TTN: variants seen among roughly 807,000 people sequenced by gnomAD.
The protein encoded by TTN is titin.
In TTN, 1,525 loss-of-function variants were observed where a neutral mutation model predicts 3,223.0. The observed-to-expected ratio is 0.47, with a 90% CI of 0.45 to 0.49. The LOEUF is 0.49. TTN is among the 20% of genes least tolerant of loss of function. TTN has a pLI of 0.00. For missense variants in TTN, 40,786 were observed against 43,424.0 expected (o/e 0.94, Z 5.40); for synonymous variants, 14,094 against 15,161.0 (o/e 0.93, Z 5.17).
chr2:178,706,431 T>C, intron 102 of TTN, 23 bp downstream of exon 102: 1 of 1,589,702 alleles, frequency 6.3e-7, no homozygotes, highest in Non-Finnish European at 8.6e-7. Context: ...GATTGTACGA[T>C]TTGTGGTTTT....
In TTN at chr2:178,669,423, A is replaced by G; in HGVS notation, c.35495T>C (p.Val11832Ala). 6.5e-7 allele frequency: 1 copy of G among 1,527,180 alleles called. No homozygotes were observed. The highest frequency in any genetic ancestry group is 1.2e-5 in the South Asian group (1 of 80,068). 94.6% of individuals were successfully genotyped at this position (1,527,180 alleles called of 1,614,324 possible). The part of the protein sequence containing the change: ...AKVPGMPKKS[V>A]QEEKSPIVIS... The stretch of plus-strand genomic sequence containing the variant: ...AACAATAGGTGATTTTTCTTCTTGA[A>G]CACTTTTCTTAGGCATCCCAGGAAC... The change falls in exon 159 of 363, where the codon GTT becomes GCT. Residue 11832 changes from valine (V) to alanine (A), a missense_variant. Physicochemically the swap from Val to Ala is moderately conservative, Grantham distance 64. Transcript: ENST00000589042.
chr2:178,749,173 A>C (rs989649120), intron 47 of TTN: 1 of 1,611,528 alleles, frequency 6.2e-7, no homozygotes, highest in Admixed American at 1.7e-5. Context: ...ATTCTTGTAC[A>C]TTTTCCTTTT....
Position 178,565,774 on chromosome 2 carries a change from C to T in TTN, c.80358G>A (p.Lys26786=). 6.2e-7 allele frequency: 1 copy of T among 1,613,620 alleles called. No homozygotes were observed. The highest frequency in any genetic ancestry group is 8.5e-7 in the Non-Finnish European group (1 of 1,179,638). The change falls in exon 326 of 363, where the codon AAG becomes AAA. Residue 26786 remains lysine (K), a synonymous_variant. Coordinates refer to ENST00000589042, the MANE Select transcript of TTN (RefSeq NM_001267550.2). ...KAAEPPSPPG[K]VTLTDVSQTS... ...TCTGGGACACATCAGTGAGTGTAAC[C>T]TTTCCTGGTGGGGAAGGAGGTTCAG...
Position 178,581,488 on chromosome 2 carries a change from G to A in TTN, c.66769+11C>T, listed in dbSNP as rs755007385. On this transcript the variant is annotated intron_variant, in intron 316 of 362. Coordinates refer to ENST00000589042, the MANE Select transcript of TTN (RefSeq NM_001267550.2). ...GGAAAAGCCTTATGTACTCCCCCTG[G>A]TAATACTTACTTAAGATGTCCTTGG... The A allele has an allele frequency of 6.3e-7, 1 of 1,575,214 alleles. No homozygotes were observed. Among genetic ancestry groups the A allele is most frequent in the South Asian group, 1.2e-5 (1 of 84,384 alleles).
At position 178,553,386 on chromosome 2, in the gene TTN, C is replaced by A; in HGVS notation, c.89514G>T (p.Glu29838Asp). The change falls in exon 335 of 363, where the codon GAG becomes GAT. Residue 29838 changes from glutamate (E) to aspartate (D), a missense_variant. Glu to Asp is a conservative substitution (Grantham distance 45, BLOSUM62 2). Coordinates refer to ENST00000589042, the MANE Select transcript of TTN (RefSeq NM_001267550.2). ...TTCTGAGAGCCACATCCAGGTCAAT[C>A]TCTGGTGCCTCTGTAGACATAAAAT... ...VQAKDILEAP[E>D]IDLDVALRTS... The A allele has an allele frequency of 6.3e-7, 1 of 1,591,984 alleles. No individual in the cohort carries two copies. The highest frequency in any genetic ancestry group is 8.6e-7 in the Non-Finnish European group (1 of 1,169,576).
rs879021950 is a variant in TTN at position 178,567,503 on chromosome 2, G to T, written c.78629C>A (p.Thr26210Lys). The part of the protein sequence containing the change: ...RDTIVVNAGE[T>K]FRLEADVHGK... The stretch of plus-strand genomic sequence containing the variant: ...ATGGACATCAGCCTCAAGTCTGAAT[G>T]TTTCTCCAGCATTTACCACAATTGT... The change falls in exon 326 of 363, where the codon ACA (threonine) becomes AAA (lysine). Residue 26210 changes from threonine (T) to lysine (K), a missense_variant. Thr to Lys is a moderately conservative substitution (Grantham distance 78). Transcript: ENST00000589042. The T allele has an allele frequency of 2.5e-6, 4 of 1,612,884 alleles. No individual in the cohort carries two copies. In the African/African-American group the frequency reaches 5.3e-5, roughly 22 times the overall value.
At position 178,534,984 on chromosome 2, in the gene TTN, G is replaced by C; in HGVS notation, c.101631C>G (p.His33877Gln). The change falls in exon 358 of 363, where the codon CAC becomes CAG. Residue 33877 changes from histidine to glutamine, a missense_variant. His to Gln is a conservative substitution (Grantham distance 24). Coordinates refer to ENST00000589042, the MANE Select transcript of TTN (RefSeq NM_001267550.2). Reference protein sequence around the residue: ...LNIARHRNILHLHESFESMEE... With the variant: ...LNIARHRNILQLHESFESMEE... Reference sequence around the variant, plus strand: ...CCATGCTTTCAAATGATTCATGGAGGTGTAAGATGTTTCTATGCCTAGCAA... The same window carrying C: ...CCATGCTTTCAAATGATTCATGGAGCTGTAAGATGTTTCTATGCCTAGCAA... 1 of 1,613,590 alleles carries C rather than the reference G, an allele frequency of 6.2e-7. No individual in the cohort carries two copies. Among genetic ancestry groups the C allele is most frequent in the African/African-American group, 1.3e-5 (1 of 75,022 alleles).
rs794729526 is a variant in TTN, at chr2:178,553,507, A to T, written c.89498T>A (p.Ile29833Lys). ...EMNEPVQAKD[I>K]LEAPEIDLDV... is the part of the protein sequence containing the mutation. The stretch of plus-strand genomic sequence containing the variant: ...TCAAACCAGTAGGTACATACCAAGT[A>T]TATCTTTAGCTTGTACAGGTTCATT... Residue 29833 changes from isoleucine to lysine, a missense_variant, in exon 334 of 363, where the codon ATA (isoleucine) becomes AAA (lysine). Physicochemically the swap from Ile to Lys is moderately radical, Grantham distance 102. Coordinates refer to ENST00000589042, the MANE Select transcript of TTN (RefSeq NM_001267550.2). The T allele has an allele frequency of 4.4e-6, 7 of 1,608,104 alleles. No individual in the cohort carries two copies. The highest frequency in any genetic ancestry group is 1.3e-5 in the African/African-American group (1 of 74,674).
intron 38 of TTN, 106 bp downstream of exon 38, chr2:178,768,567 G>A (rs1005851436): frequency 6.1e-5 from 92 of 1,502,196 alleles, no homozygotes; most frequent in South Asian, 9.6e-5. Context: ...ATATCCCATC[G>A]TATGGCTATC....
Position 178,587,609 on chromosome 2 carries a change from G to A in TTN, c.63700C>T (p.Pro21234Ser), listed in dbSNP as rs1335943731. 1.9e-6 allele frequency: 3 copies of A among 1,612,434 alleles called. No homozygotes were observed. The African/African-American group carries it at 4.0e-5, about 22-fold the overall frequency. ...CCTGAGTCATCACGGGTAGAATTGG[G>A]GATGACAAGGAAGGCCATAGTGTCA... ...LVDTMAFLVIPNSTRDDSGKY... is the reference protein window; with the variant it reads ...LVDTMAFLVISNSTRDDSGKY... Residue 21234 changes from proline (P) to serine (S), a missense_variant, in exon 306 of 363, where the codon CCC (proline) becomes TCC (serine). Transcript: ENST00000589042.
rs779452265 is a variant in TTN at position 178,532,620 on chromosome 2, G to C, written c.103995C>G (p.Leu34665=). ...LGDISDEELL[L]PIDDYLAMKR... ...TCATTGCTAAGTAGTCATCAATGGGGAGGAGTAATTCTTCATCAGAGATGT... is the reference window on the plus strand; with the variant it reads ...TCATTGCTAAGTAGTCATCAATGGGCAGGAGTAATTCTTCATCAGAGATGT... Residue 34665 remains leucine, a synonymous_variant, in exon 358 of 363, where the codon CTC becomes CTG. Transcript: ENST00000589042. 1 of 1,613,950 alleles carries C rather than the reference G, an allele frequency of 6.2e-7. No homozygotes were observed. Among genetic ancestry groups the C allele is most frequent in the South Asian group, 1.1e-5 (1 of 91,082 alleles).
chr2:178,575,225 C>T lies in TTN; in HGVS notation c.70907G>A (p.Arg23636His), dbSNP rs56071233. 1,419 of 1,612,888 alleles carry T rather than the reference C, an allele frequency of 8.8e-4. 21 individuals carry two copies. The East Asian group carries it at 0.028, about 32-fold the overall frequency. The change falls in exon 326 of 363, where the codon CGT becomes CAT. Residue 23636 changes from arginine (R) to histidine (H), a missense_variant. Coordinates refer to ENST00000589042, the MANE Select transcript of TTN (RefSeq NM_001267550.2). The surrounding 1 kb of genome is among the most constrained non-coding windows in gnomAD (Gnocchi z 4.0). ...EQTMLPELDL[R>H]GIYQKLVIAK... Reference sequence around the variant, plus strand: ...AATGACCAGTTTCTGATAGATGCCACGGAGATCCAGCTCTGGAAGCATTGT... The same window carrying T: ...AATGACCAGTTTCTGATAGATGCCATGGAGATCCAGCTCTGGAAGCATTGT...
rs1167641036 is a variant in TTN, at chr2:178,664,610, G to T, written c.36202+44C>A. 1.9e-6 allele frequency: 3 copies of T among 1,607,116 alleles called. No homozygotes were observed. In the African/African-American group the frequency reaches 4.0e-5, roughly 22 times the overall value. On this transcript the variant is annotated intron_variant, in intron 167 of 362. Coordinates refer to ENST00000589042, the MANE Select transcript of TTN (RefSeq NM_001267550.2). The stretch of plus-strand genomic sequence containing the variant: ...ACAATCAGGAAAAACATTTATACAA[G>T]AAAAGACATGTTCCCACCCCTCTAA...
rs1337957694 is a variant in TTN at position 178,727,411 on chromosome 2, A to G, written c.19994-40T>C. On this transcript the variant is annotated intron_variant, in intron 68 of 362. Coordinates refer to ENST00000589042, the MANE Select transcript of TTN (RefSeq NM_001267550.2). ...AAGAGGAGAGTATCAGGGAACAGAA[A>G]TAAATAACAATAGTTAAATTAGATA... is the stretch of plus-strand genomic sequence containing the variant. The G allele has an allele frequency of 2.0e-6, 3 of 1,523,576 alleles. No homozygotes were observed. In the African/African-American group the frequency reaches 4.2e-5, roughly 21 times the overall value. The allele number at this position is 1,523,576 out of a possible 1,614,324, so 94.4% of individuals were successfully genotyped here. A position where few individuals can be genotyped will look rare whatever the true frequency, so the allele number is the denominator to read the frequency against.
At chr2:178,689,429 A>C in intron 123 of TTN, 56 bp from the exon 124 acceptor site, 2 of 1,606,472 alleles carry the variant, frequency 1.2e-6, no homozygotes, top group Non-Finnish European at 1.7e-6. Context: ...TAAATGAGCA[A>C]CATAGAAGTG....
In TTN at chr2:178,575,824, T is replaced by C; in HGVS notation, c.70308A>G (p.Pro23436=). Residue 23436 remains proline, a synonymous_variant, in exon 326 of 363, where the codon CCA becomes CCG. Transcript: ENST00000589042. This position sits in a 1 kb window ranked among gnomAD's most constrained non-coding sequence, Gnocchi z 4.0. ...GFVNVRVLDT[P]GPVLNLRPTD... is the part of the protein sequence containing the mutation. ...TAGGCCGCAGGTTGAGGACTGGGCC[T>C]GGCGTGTCCAAGACTCTGACGTTCA... 1 of 1,613,472 alleles carries C rather than the reference T, an allele frequency of 6.2e-7. No individual in the cohort carries two copies. Among genetic ancestry groups the C allele is most frequent in the Non-Finnish European group, 8.5e-7 (1 of 1,179,566 alleles).
Position 178,574,997 on chromosome 2 carries a change from A to G in TTN, c.71135T>C (p.Val23712Ala), listed in dbSNP as rs1275870840. The stretch of plus-strand genomic sequence containing the variant: ...GGTGATGACATCACCAACCTCTCCT[A>G]CAATGTTCCTTGCTGTTAATGGATA... The part of the protein sequence containing the change: ...GPYPLTARNI[V>A]GEVGDVITIQ... Residue 23712 changes from valine (V) to alanine (A), a missense_variant, in exon 326 of 363, where the codon GTA (valine) becomes GCA (alanine). Coordinates refer to ENST00000589042, the MANE Select transcript of TTN (RefSeq NM_001267550.2). 1.2e-6 allele frequency: 2 copies of G among 1,613,352 alleles called. No homozygotes were observed. The highest frequency in any genetic ancestry group is 3.3e-4 in the Middle Eastern group (2 of 6,052).
In TTN at chr2:178,689,088, G is replaced by A. The variant is rs1354975842; in HGVS notation, c.32060C>T (p.Pro10687Leu). The A allele has an allele frequency of 1.2e-6, 2 of 1,611,280 alleles. No homozygotes were observed. Among genetic ancestry groups the A allele is most frequent in the South Asian group, 2.2e-5 (2 of 90,714 alleles). ...KPVPEEKVAV[P>L]VPVAKKAPPP... ...AGGAGCTTTCTTAGCGACAGGAACT[G>A]GCACTGCAACTTTCTCCTCTGGGAC... is the stretch of plus-strand genomic sequence containing the variant. The change falls in exon 125 of 363, where the codon CCA (proline) becomes CTA (leucine). Residue 10687 changes from proline (P) to leucine (L), a missense_variant. Transcript: ENST00000589042.
At position 178,692,573 on chromosome 2, in the gene TTN, C is replaced by A; in HGVS notation, c.31602G>T (p.Glu10534Asp). 1 of 1,537,220 alleles carries A rather than the reference C, an allele frequency of 6.5e-7. No individual in the cohort carries two copies. The highest frequency in any genetic ancestry group is 8.7e-7 in the Non-Finnish European group (1 of 1,146,810). Residue 10534 changes from glutamate (E) to aspartate (D), a missense_variant, in exon 120 of 363, where the codon GAG (glutamate) becomes GAT (aspartate). Physicochemically the swap from Glu to Asp is conservative, Grantham distance 45. Transcript: ENST00000589042. ...CTTCTGGAGCTGGTTTCTCAGGTAG[C>A]TCAGGGACTTTAAAAGAAAAGTGCC... ...KRVEPPPKVP[E>D]LPEKPAPEEV... is the part of the protein sequence containing the mutation.
Sources: gnomAD v4.1 joint callset for allele counts on GRCh38, gnomAD v4.1.1 for gene constraint, Gnocchi (gnomAD v3.1) non-coding constraint, MANE v1.5 for transcripts, NCBI Gene and HGNC (gene_info 2026-07-23, HGNC 2026-07-21) for gene names.